HDAC9: variants seen among roughly 807,000 people sequenced by gnomAD.
HDAC9 encodes the protein histone deacetylase 9, also known as MEF-2 interacting transcription repressor (MITR) protein.
In HDAC9, 41 loss-of-function variants were observed where a neutral mutation model predicts 139.4. That is an observed-to-expected ratio of 0.29 (90% CI 0.23 to 0.38). The LOEUF is 0.38. HDAC9 is among the 10% of genes least tolerant of loss of function. HDAC9 has a pLI of 1.00. For synonymous variants in HDAC9, 517 were observed against 476.2 expected, an observed-to-expected ratio of 1.09 and a Z score of -1.12; for missense variants, 1,147 against 1,297.0, an observed-to-expected ratio of 0.88 and a Z score of 1.78.
At chr7:18,738,813 T>C (rs1359173513) in intron 13 of HDAC9, among the ~76,000 whole-genome samples, 1 of 152,172 alleles carries the variant, frequency 6.6e-6, no homozygotes, top group Non-Finnish European at 1.5e-5. Flanking sequence ...GCCTGCCTTG[T>C]GAGGTTGGGG....
Position 18,749,080 on chromosome 7 carries a change from G to A in HDAC9, c.1985G>A (p.Gly662Glu). Residue 662 changes from glycine (G) to glutamate (E), a missense_variant, in exon 14 of 26, where the codon GGA becomes GAA. By Grantham distance (98) the Gly-to-Glu change is moderately conservative. This residue lies in a region of HDAC9 where 407 missense variants were observed against 521.5 expected (regional missense o/e 0.78). Coordinates refer to ENST00000686413, the MANE Select transcript of HDAC9 (RefSeq NM_178425.4). ...TCCACCACCCACCCTGAGCATGCTG[G>A]ACGAATACAGAGTATCTGGTCACGA... ...GNSTTHPEHA[G>E]RIQSIWSRLQ... is the part of the protein sequence containing the mutation. 2 of 1,613,698 alleles carry A rather than the reference G, an allele frequency of 1.2e-6. No individual in the cohort carries two copies. Among genetic ancestry groups the A allele is most frequent in the Non-Finnish European group, 1.7e-6 (2 of 1,179,786 alleles).
intron 23 of HDAC9, among the ~76,000 whole-genome samples, chr7:18,937,695 A>G (rs1412116897): frequency 2.0e-5 from 3 of 152,194 alleles, no homozygotes; most frequent in Non-Finnish European, 4.4e-5. Context: ...TAATATTTGC[A>G]TTATAAAGGC....
At chr7:18,411,279 A>G (rs1788520724) in intron 1 of HDAC9, among the ~76,000 whole-genome samples, 1 of 152,208 alleles carries the variant, frequency 6.6e-6, no homozygotes, top group South Asian at 2.1e-4. Flanking sequence ...CGGTGGTACA[A>G]AAGTAATACA....
intron 2 of HDAC9, among the ~76,000 whole-genome samples, chr7:18,202,331 ATACT>A (rs1288801287): frequency 2.0e-5 from 3 of 152,120 alleles, no homozygotes; most frequent in Admixed American, 6.6e-5. Context: ...AGCTTTCAAG[ATACT>A]TACTTATGAG....
At chr7:18,945,333 G>A (rs138929752) in intron 23 of HDAC9, among the ~76,000 whole-genome samples, 1 of 152,160 alleles carries the variant, frequency 6.6e-6, no homozygotes, top group African/African-American at 2.4e-5. Flanking sequence ...TGTTTTTGAA[G>A]TATCTATTCA....
intron 1 of HDAC9, among the ~76,000 whole-genome samples, chr7:18,435,677 A>G (rs1012029782): frequency 6.6e-6 from 1 of 151,266 alleles, no homozygotes; most frequent in African/African-American, 2.4e-5. Flanking sequence ...TGGTGTACAG[A>G]TTATTTAGAA....
At chr7:18,803,273 C>T (rs559369124) in intron 17 of HDAC9, among the ~76,000 whole-genome samples, 1 of 152,184 alleles carries the variant, frequency 6.6e-6, no homozygotes, top group East Asian at 1.9e-4. Context: ...AAGCAATAGT[C>T]ATGTCCTAAC....
chr7:18,691,664 A>G (rs1297031458), intron 12 of HDAC9, among the ~76,000 whole-genome samples: 1 of 152,110 alleles, frequency 6.6e-6, no homozygotes, highest in African/African-American at 2.4e-5. Context: ...TAATTTTAAC[A>G]TTTATGCATT....
At chr7:18,848,554 C>T (rs537372253) in intron 21 of HDAC9, among the ~76,000 whole-genome samples, 231 of 151,804 alleles carry the variant, frequency 1.5e-3, no homozygotes, top group Non-Finnish European at 2.8e-3. Flanking sequence ...GGTTGTAATC[C>T]GGTGAGAGCG....
chr7:18,892,089 G>A (rs1347480822), intron 22 of HDAC9: 1 of 152,032 alleles, frequency 6.6e-6, no homozygotes, highest in East Asian at 1.9e-4. Flanking sequence ...AGAATGAGGG[G>A]AAATAGTGAG....
intron 1 of HDAC9, among the ~76,000 whole-genome samples, chr7:18,451,354 C>G (rs1360537295): frequency 5.2e-5 from 7 of 134,124 alleles, no homozygotes; most frequent in Non-Finnish European, 1.1e-4. Context: ...TGGACCAAGA[C>G]ACATGTATAT....
At chr7:18,300,702 C>A (rs772210430) in intron 1 of HDAC9, among the ~76,000 whole-genome samples, 13 of 152,118 alleles carry the variant, frequency 8.5e-5, no homozygotes, top group Non-Finnish European at 1.8e-4. Context: ...CTATATACCA[C>A]ACACCATTCC....
chr7:18,541,035 C>G (rs570696746), intron 2 of HDAC9, among the ~76,000 whole-genome samples: 5 of 151,072 alleles, frequency 3.3e-5, no homozygotes, highest in Non-Finnish European at 5.9e-5. Context: ...TATTTGACTC[C>G]AAAGCACACA....
At chr7:18,710,332 C>T (rs150434823) in intron 12 of HDAC9, among the ~76,000 whole-genome samples, 182 of 152,320 alleles carry the variant, frequency 1.2e-3, no homozygotes, top group Middle Eastern at 3.4e-3. Flanking sequence ...TATCTGTGAT[C>T]ACAATCTGTT....
chr7:18,560,957 G>C (rs1174505103), intron 2 of HDAC9, among the ~76,000 whole-genome samples: 3 of 152,124 alleles, frequency 2.0e-5, no homozygotes, highest in Non-Finnish European at 4.4e-5. Context: ...ATTAGGAAAT[G>C]ACTATCTTAT....
chr7:18,245,838 C>G (rs1794488579), intron 2 of HDAC9, among the ~76,000 whole-genome samples: 2 of 152,050 alleles, frequency 1.3e-5, no homozygotes, highest in African/African-American at 4.8e-5. Context: ...TTCAGCAAAC[C>G]TCTTGGCTCA....
At chr7:18,557,360 TCTAA>T (rs1819146698) in intron 2 of HDAC9, among the ~76,000 whole-genome samples, 2 of 150,452 alleles carry the variant, frequency 1.3e-5, no homozygotes, top group Non-Finnish European at 3.0e-5. Context: ...TTTTTTTATA[TCTAA>T]CCTTAATCCT....
chr7:18,407,089 T>C (rs1788080025), intron 1 of HDAC9, among the ~76,000 whole-genome samples: 1 of 152,218 alleles, frequency 6.6e-6, no homozygotes, highest in South Asian at 2.1e-4. Flanking sequence ...CTGATCTCAC[T>C]ATATGTATTT....
chr7:18,751,319 C>T (rs978358226), intron 14 of HDAC9, among the ~76,000 whole-genome samples: 1 of 152,070 alleles, frequency 6.6e-6, no homozygotes, highest in Non-Finnish European at 1.5e-5. Context: ...AAATAATACA[C>T]TCACAAGCCC....
Sources: gnomAD v4.1 joint callset for allele counts (sites outside exome capture counted in the v4.1 genomes callset) on GRCh38, gnomAD v4.1.1 for gene constraint, gnomAD v4.1.1 regional missense constraint, MANE v1.5 for transcripts, NCBI Gene and HGNC (gene_info 2026-07-23, HGNC 2026-07-21) for gene names.